Variants in OCA2 observed in about 807,000 individuals in gnomAD.
OCA2 encodes P protein.
OCA2 carries 77 observed loss-of-function variants against 100.2 expected under a neutral mutation model. The ratio of observed to expected loss-of-function variants is 0.77; its 90% CI spans 0.64 to 0.93. The LOEUF is 0.93. Ranked by LOEUF, OCA2 falls within the 40% of genes least tolerant of loss-of-function variation. The probability of loss-of-function intolerance (pLI) is 0.00; values close to 1 mark genes in which losing one functional copy is unlikely to be tolerated. For missense variants in OCA2, 1,062 were observed against 1,089.1 expected, an observed-to-expected ratio of 0.98 and a Z score of 0.35; for synonymous variants, 432 against 439.2, an observed-to-expected ratio of 0.98 and a Z score of 0.21.
At chr15:27,800,783 G>A (rs893924259) in intron 23 of OCA2, among the ~76,000 whole-genome samples, 5 of 148,502 alleles carry the variant, frequency 3.4e-5, no homozygotes, top group African/African-American at 1.2e-4. Flanking sequence ...TGGGCAACAT[G>A]GTAAAACCCT....
chr15:28,030,964 A>AC (rs1218927647), intron 3 of OCA2, among the ~76,000 whole-genome samples: 7 of 152,180 alleles, frequency 4.6e-5, no homozygotes, highest in African/African-American at 1.7e-4. Context: ...ACGAGAGAAG[A>AC]CCCCTTCCCT....
chr15:27,979,872 T>TC lies in OCA2; in HGVS notation c.1503+3472_1503+3473insG, dbSNP rs1218366826. 6.1e-5 allele frequency among the ~76,000 whole-genome samples: 9 copies of TC among 147,324 alleles called. No individual in the cohort carries two copies. In the East Asian group the frequency reaches 1.8e-3, roughly 29 times the overall value. ...GTGCCACCATGCCCAGCTAGTGTTT[T>TC]TTTTTTTTTTTTTTTGGATTTCTAG... On this transcript the variant is annotated intron_variant, in intron 14 of 23. Transcript: ENST00000354638.
chr15:28,032,295 T>A, intron 2 of OCA2, 132 bp from the exon 3 acceptor site: 1 of 751,850 alleles, frequency 1.3e-6, no homozygotes, highest in Non-Finnish European at 2.4e-6. Context: ...TGCCTAAGGG[T>A]CTGTCTGAAT....
At chr15:28,003,597 C>A (rs770608623) in intron 9 of OCA2, among the ~76,000 whole-genome samples, 1 of 147,778 alleles carries the variant, frequency 6.8e-6, no homozygotes, top group Non-Finnish European at 1.5e-5. Flanking sequence ...CTGCGGGGAA[C>A]GACGGGAAAG....
intron 19 of OCA2, among the ~76,000 whole-genome samples, chr15:27,922,173 C>G (rs996818202): frequency 2.6e-5 from 4 of 152,208 alleles, no homozygotes; most frequent in African/African-American, 9.6e-5. Flanking sequence ...ATCCAACTTT[C>G]TCCTGTAATG....
chr15:28,081,981 T>C (rs1420441050), intron 1 of OCA2, 86 bp from the exon 2 acceptor site: 1 of 1,158,732 alleles, frequency 8.6e-7, no homozygotes, highest in African/African-American at 1.5e-5. Context: ...AATAGGAAGG[T>C]TGCTTCTTCG....
At chr15:27,781,611 T>A (rs1242723363) in intron 23 of OCA2, among the ~76,000 whole-genome samples, 2 of 152,258 alleles carry the variant, frequency 1.3e-5, no homozygotes, top group Non-Finnish European at 2.9e-5. Context: ...TCATCTTTAA[T>A]AACTGCTTCA....
chr15:28,015,067 G>A lies in OCA2; in HGVS notation c.891-138C>T, dbSNP rs569999404. 6 of 933,392 alleles carry A rather than the reference G, an allele frequency of 6.4e-6. No homozygotes were observed. The Middle Eastern group carries it at 8.4e-4, about 130-fold the overall frequency. 57.8% of individuals were successfully genotyped at this position (933,392 alleles called of 1,614,324 possible). On this transcript the variant is annotated intron_variant, in intron 8 of 23. Coordinates refer to ENST00000354638, the MANE Select transcript of OCA2 (RefSeq NM_000275.3). ...CCAATCTCACAGCTGGAAGAGCAGTGAGCACAGGCCAGCGGCGTGAGACAT... is the reference window on the plus strand; with the variant it reads ...CCAATCTCACAGCTGGAAGAGCAGTAAGCACAGGCCAGCGGCGTGAGACAT...
At chr15:27,837,138 C>T (rs905514998) in intron 23 of OCA2, among the ~76,000 whole-genome samples, 8 of 152,192 alleles carry the variant, frequency 5.3e-5, no homozygotes, top group African/African-American at 1.9e-4. Context: ...ATGTTTCTGC[C>T]CAGTGAGGGA....
At chr15:28,059,026 C>T (rs1026693613) in intron 2 of OCA2, among the ~76,000 whole-genome samples, 1 of 152,192 alleles carries the variant, frequency 6.6e-6, no homozygotes, top group Non-Finnish European at 1.5e-5. Context: ...CTCAGTGAAG[C>T]CTGCCTTCCC....
chr15:27,879,193 T>C lies in OCA2; in HGVS notation c.2080-7271A>G, dbSNP rs529981958. Among the ~76,000 whole-genome samples, 3 of 152,316 alleles carry C rather than the reference T, an allele frequency of 2.0e-5. No individual in the cohort carries two copies. The East Asian group carries it at 5.8e-4, about 29-fold the overall frequency. ...CTTAAAAGGACATGACCTTGTTCCT[T>C]TTTATGGCTGCAGAGTATTGCATGT... is the stretch of plus-strand genomic sequence containing the variant. On this transcript the variant is annotated intron_variant, in intron 19 of 23. Transcript: ENST00000354638.
chr15:27,889,232 T>C (rs191545917), intron 19 of OCA2, among the ~76,000 whole-genome samples: 2 of 152,348 alleles, frequency 1.3e-5, no homozygotes, highest in African/African-American at 4.8e-5. Context: ...TTGAGCGCTA[T>C]ATTTCATGGG....
Position 27,966,724 on chromosome 15 carries a change from T to TTA in OCA2, c.1601_1602insTA (p.Arg534SerfsTer15). On this transcript the variant is annotated frameshift_variant, in exon 15 of 24. Coordinates refer to ENST00000354638, the MANE Select transcript of OCA2 (RefSeq NM_000275.3). LOFTEE classifies it high-confidence loss of function. ...CACTGGGTTCCTTGTTATAAAGCTTTCTGTTCCAGTAAAGGAGTCTGAGGA... is the reference window on the plus strand; with the variant it reads ...CACTGGGTTCCTTGTTATAAAGCTTTTACTGTTCCAGTAAAGGAGTCTGAGGA... 2 of 1,614,058 alleles carry TTA rather than the reference T, an allele frequency of 1.2e-6. No homozygotes were observed.
At chr15:27,887,098 C>A (rs539626408) in intron 19 of OCA2, among the ~76,000 whole-genome samples, 1 of 152,298 alleles carries the variant, frequency 6.6e-6, no homozygotes, top group South Asian at 2.1e-4. Flanking sequence ...TCTCTGCCTG[C>A]CGCCATCCAT....
chr15:27,753,321 T>A (rs1338223368), downstream of OCA2, among the ~76,000 whole-genome samples: 1 of 67,342 alleles, frequency 1.5e-5, no homozygotes, highest in African/African-American at 6.3e-5. Flanking sequence ...CGGAGGGGAG[T>A]GGGAGAAGGG....
intron 1 of OCA2, among the ~76,000 whole-genome samples, chr15:28,093,030 A>T (rs578138768): frequency 3.7e-4 from 57 of 152,304 alleles, no homozygotes; most frequent in Non-Finnish European, 6.8e-4. Flanking sequence ...AGATTTCACT[A>T]AGGAGGATAT....
chr15:27,832,019 C>T (rs1463407720), intron 23 of OCA2, among the ~76,000 whole-genome samples: 1 of 152,012 alleles, frequency 6.6e-6, no homozygotes, highest in Non-Finnish European at 1.5e-5. Context: ...CCCCCTGCTC[C>T]GTCAGAGACT....
intron 2 of OCA2, among the ~76,000 whole-genome samples, chr15:28,081,341 C>G (rs1189470383): frequency 6.6e-6 from 1 of 152,080 alleles, no homozygotes. Context: ...ATAAGGCATG[C>G]CCTCAGAGAC....
chr15:28,065,643 T>C (rs1054379006), intron 2 of OCA2, among the ~76,000 whole-genome samples: 9 of 152,280 alleles, frequency 5.9e-5, no homozygotes, highest in Non-Finnish European at 1.2e-4. Flanking sequence ...CACTTTGCCA[T>C]TTTGCCATCA....
Sources: allele counts gnomAD v4.1 joint callset (sites outside exome capture counted in the v4.1 genomes callset), GRCh38; gene constraint gnomAD v4.1.1; transcripts MANE v1.5; gene names NCBI Gene and HGNC (gene_info 2026-07-23, HGNC 2026-07-21).